CNPY1: variants seen among roughly 807,000 people sequenced by gnomAD.
CNPY1 encodes canopy FGF signaling regulator 1.
CNPY1 carries 14 observed loss-of-function variants against 14.4 expected under a neutral mutation model. The observed-to-expected ratio is 0.97, with a 90% CI of 0.64 to 1.52. The LOEUF is 1.52. Among genes scored for constraint, CNPY1 ranks in the 40% most tolerant of loss-of-function variants. CNPY1 has a pLI of 0.00. For missense variants in CNPY1, 129 were observed against 131.5 expected (o/e 0.98, Z 0.09); for synonymous variants, 43 against 46.5 (o/e 0.92, Z 0.31).
intron 2 of CNPY1, among the ~76,000 whole-genome samples, chr7:155,541,641 A>T (rs760144337): frequency 3.3e-5 from 5 of 152,206 alleles, no homozygotes; most frequent in Non-Finnish European, 5.9e-5. Flanking sequence ...GAGCCCCCGC[A>T]GTCTGCTGAG....
chr7:155,537,424 C>CT (rs557551511), intron 2 of CNPY1, among the ~76,000 whole-genome samples: 5,319 of 137,762 alleles, frequency 0.039, 117 homozygotes, highest in African/African-American at 0.045. Context: ...TTTTTCTTTT[C>CT]TTTTTTTTTT....
intron 2 of CNPY1, among the ~76,000 whole-genome samples, chr7:155,524,475 G>C (rs966294685): frequency 3.3e-5 from 5 of 152,172 alleles, no homozygotes; most frequent in Admixed American, 1.3e-4. Context: ...TACTGCCTGA[G>C]CTCCACCTGC....
chr7:155,528,992 C>A (rs186581275), intron 2 of CNPY1, among the ~76,000 whole-genome samples: 1 of 151,216 alleles, frequency 6.6e-6, no homozygotes, highest in East Asian at 2.0e-4. Context: ...ACCCAGAAGG[C>A]GGAGCTTGCA....
At chr7:155,520,335 G>A (rs150937050) in intron 2 of CNPY1, among the ~76,000 whole-genome samples, 5 of 152,170 alleles carry the variant, frequency 3.3e-5, no homozygotes, top group East Asian at 1.9e-4. Context: ...TGTGCCGGCC[G>A]AGAGCACCCA....
intron 2 of CNPY1, among the ~76,000 whole-genome samples, chr7:155,524,152 C>T (rs1419046935): frequency 1.3e-5 from 2 of 152,216 alleles, no homozygotes; most frequent in Non-Finnish European, 2.9e-5. Context: ...GAGGTGCTAA[C>T]GGAAGTCTGA....
At chr7:155,539,197 G>A (rs1797057352) in intron 2 of CNPY1, among the ~76,000 whole-genome samples, 1 of 152,208 alleles carries the variant, frequency 6.6e-6, no homozygotes, top group South Asian at 2.1e-4. Context: ...TTGTGGCATT[G>A]TTTGGGTATT....
intron 2 of CNPY1, among the ~76,000 whole-genome samples, chr7:155,523,429 T>A (rs1324383479): frequency 6.6e-6 from 1 of 152,128 alleles, no homozygotes; most frequent in East Asian, 1.9e-4. Flanking sequence ...ACATCTTCAT[T>A]ATTATCTGGA....
chr7:155,503,110 A>G lies in CNPY1; in HGVS notation c.401-5T>C, dbSNP rs75945873. The G allele has an allele frequency of 5.8e-4, 97 of 166,920 alleles. No individual in the cohort carries two copies. In the African/African-American group the frequency reaches 0.017, roughly 29 times the overall value. 10.3% of individuals were successfully genotyped at this position (166,920 alleles called of 1,614,324 possible). ...TAGCAGAAGTTTCACACAGATCTGGAAAAAAAAAAAAAAGTAGATAGCATC... is the reference window on the plus strand; with the variant it reads ...TAGCAGAAGTTTCACACAGATCTGGGAAAAAAAAAAAAAGTAGATAGCATC... On this transcript the variant is annotated splice_polypyrimidine_tract_variant and splice_region_variant and intron_variant, in intron 4 of 4. Coordinates refer to ENST00000636446, the MANE Select transcript of CNPY1 (RefSeq NM_001393663.1).
chr7:155,541,390 G>A (rs1373219943), intron 2 of CNPY1, among the ~76,000 whole-genome samples: 4 of 152,216 alleles, frequency 2.6e-5, no homozygotes, highest in African/African-American at 7.2e-5. Flanking sequence ...CCTGTACATC[G>A]TGTATTACTA....
intron 2 of CNPY1, among the ~76,000 whole-genome samples, chr7:155,519,581 A>G (rs1475037174): frequency 6.6e-6 from 1 of 151,786 alleles, no homozygotes; most frequent in East Asian, 1.9e-4. Context: ...AAGAAGAAAA[A>G]TGGGTGCAAA....
At chr7:155,511,080 A>C (rs1025575368) in intron 2 of CNPY1, among the ~76,000 whole-genome samples, 2 of 152,184 alleles carry the variant, frequency 1.3e-5, no homozygotes, top group Non-Finnish European at 2.9e-5. Flanking sequence ...TGTCATTTAA[A>C]AATATCTAAC....
rs11771242 is a variant in CNPY1 at position 155,536,281 on chromosome 7, C to A, written c.99+9550G>T. On this transcript the variant is annotated intron_variant, in intron 2 of 4. Transcript: ENST00000636446. The surrounding 1 kb of genome is among the most constrained non-coding windows in gnomAD (Gnocchi z 4.1). The stretch of plus-strand genomic sequence containing the variant: ...CCCACTGCAGCAGACAGGTCCTGGG[C>A]GGGGCTGGTTATTTCTGCAGTACTG... Among the ~76,000 whole-genome samples, 4 of 152,086 alleles carry A rather than the reference C, an allele frequency of 2.6e-5. No individual in the cohort carries two copies. Among genetic ancestry groups the A allele is most frequent in the African/African-American group, 9.7e-5 (4 of 41,402 alleles).
intron 2 of CNPY1, among the ~76,000 whole-genome samples, chr7:155,519,649 T>C (rs374047488): frequency 6.6e-6 from 1 of 152,118 alleles, no homozygotes; most frequent in East Asian, 1.9e-4. Context: ...AAAAAAAGAC[T>C]ATTAATAAGT....
chr7:155,508,175 A>G (rs772070740), intron 3 of CNPY1, among the ~76,000 whole-genome samples: 1 of 152,248 alleles, frequency 6.6e-6, no homozygotes, highest in African/African-American at 2.4e-5. Flanking sequence ...GTCTGATTCA[A>G]CAGCATTGAC....
At chr7:155,525,740 A>T (rs894735116) in intron 2 of CNPY1, among the ~76,000 whole-genome samples, 5 of 152,222 alleles carry the variant, frequency 3.3e-5, no homozygotes, top group Non-Finnish European at 5.9e-5. Flanking sequence ...ACCAATTCTG[A>T]TCTTGTGGAC....
intron 2 of CNPY1, among the ~76,000 whole-genome samples, chr7:155,516,581 G>T (rs948310880): frequency 5.9e-5 from 9 of 152,164 alleles, no homozygotes; most frequent in Non-Finnish European, 1.2e-4. Flanking sequence ...TAAGCTGGAT[G>T]GAAACCCACA....
intron 2 of CNPY1, among the ~76,000 whole-genome samples, chr7:155,525,905 T>C (rs1391423053): frequency 1.3e-5 from 2 of 152,204 alleles, no homozygotes; most frequent in East Asian, 3.8e-4. Context: ...ATATCAGAAA[T>C]AGTCCCCAAC....
rs1234874166 is a variant in CNPY1 at position 155,536,745 on chromosome 7, C to T, written c.99+9086G>A. 1.3e-5 allele frequency among the ~76,000 whole-genome samples: 2 copies of T among 152,174 alleles called. No individual in the cohort carries two copies. Among genetic ancestry groups the T allele is most frequent in the African/African-American group, 4.8e-5 (2 of 41,446 alleles). ...TGAATGACCAAGTGGAGCAGAGCCCCGTGCCAACCCACACTAGACTACGAC... is the reference window on the plus strand; with the variant it reads ...TGAATGACCAAGTGGAGCAGAGCCCTGTGCCAACCCACACTAGACTACGAC... On this transcript the variant is annotated intron_variant, in intron 2 of 4. Transcript: ENST00000636446. This position sits in a 1 kb window ranked among gnomAD's most constrained non-coding sequence, Gnocchi z 4.1.
chr7:155,505,959 A>G (rs1044608968), intron 4 of CNPY1, among the ~76,000 whole-genome samples: 12 of 152,242 alleles, frequency 7.9e-5, no homozygotes, highest in African/African-American at 2.9e-4. Flanking sequence ...CTCAGAGTAT[A>G]AGCAAAAAAG....
Sources: gnomAD v4.1 joint callset for allele counts (sites outside exome capture counted in the v4.1 genomes callset) on GRCh38, gnomAD v4.1.1 for gene constraint, Gnocchi (gnomAD v3.1) non-coding constraint, MANE v1.5 for transcripts, NCBI Gene and HGNC (gene_info 2026-07-23, HGNC 2026-07-21) for gene names.